Variants in GBF1 observed in about 807,000 individuals in gnomAD.
GBF1 encodes golgi brefeldin A resistant guanine nucleotide exchange factor 1.
Under a neutral mutation model 210.5 loss-of-function variants are expected in GBF1, and 114 were observed. The observed-to-expected ratio is 0.54, with a 90% CI of 0.47 to 0.63. The LOEUF is 0.63. Ranked by LOEUF, GBF1 falls within the 30% of genes least tolerant of loss-of-function variation. The pLI, the probability that GBF1 is intolerant of heterozygous loss-of-function variation, is 0.00. For synonymous variants in GBF1, 850 were observed against 889.2 expected (o/e 0.96, Z 0.78); for missense variants, 1,851 against 2,357.7 (o/e 0.79, Z 4.45).
Position 102,270,462 on chromosome 10 carries a change from T to C in GBF1, c.163+10346T>C, listed in dbSNP as rs543961840. Among the ~76,000 whole-genome samples, 14 of 152,320 alleles carry C rather than the reference T, an allele frequency of 9.2e-5. No individual in the cohort carries two copies. In the South Asian group the frequency reaches 1.0e-3, roughly 11 times the overall value. On this transcript the variant is annotated intron_variant, in intron 3 of 39. Coordinates refer to ENST00000369983, the MANE Select transcript of GBF1 (RefSeq NM_001377137.1). ...TGTGCCCGGACTGCTCTCCAGTTTTTTATGATGAAAAATTTTAAACTTAGC... is the reference window on the plus strand; with the variant it reads ...TGTGCCCGGACTGCTCTCCAGTTTTCTATGATGAAAAATTTTAAACTTAGC...
intron 3 of GBF1, among the ~76,000 whole-genome samples, chr10:102,298,571 G>A (rs1294841685): frequency 1.3e-5 from 2 of 152,228 alleles, no homozygotes; most frequent in East Asian, 1.9e-4. Flanking sequence ...CGTATATTTC[G>A]TAAGCATTTT....
intron 1 of GBF1, among the ~76,000 whole-genome samples, chr10:102,247,028 T>C (rs568375541): frequency 6.6e-6 from 1 of 152,336 alleles, no homozygotes; most frequent in East Asian, 1.9e-4. Flanking sequence ...CAATAAACGT[T>C]ATCTCTATCT....
In GBF1 at chr10:102,360,394, A is replaced by G; in HGVS notation, c.1391A>G (p.Gln464Arg). The stretch of plus-strand genomic sequence containing the variant: ...GATGAGATGTGCCGTCACTTATTCC[A>G]GGTAAGACAAGATTGCTAGAGGGTC... ...IKDEMCRHLF[Q>R]LLSIERLNLY... The change falls in exon 12 of 40, where the codon CAG becomes CGG. Residue 464 changes from glutamine to arginine, a missense_variant and splice_region_variant. Physicochemically the swap from Gln to Arg is conservative, Grantham distance 43 (BLOSUM62 1). This residue lies in a region of GBF1 where 804 missense variants were observed against 958.6 expected (regional missense o/e 0.84). Transcript: ENST00000369983. 1 of 1,597,192 alleles carries G rather than the reference A, an allele frequency of 6.3e-7. No individual in the cohort carries two copies. Among genetic ancestry groups the G allele is most frequent in the Non-Finnish European group, 8.6e-7 (1 of 1,164,852 alleles).
intron 29 of GBF1, among the ~76,000 whole-genome samples, chr10:102,374,634 A>C (rs1003153496): frequency 6.6e-6 from 1 of 152,304 alleles, no homozygotes. Context: ...GGAACTGTTC[A>C]GTATGTTGTT....
rs2059950347 is a variant in GBF1 at position 102,366,982 on chromosome 10, G to C, written c.2434-103G>C. The C allele has an allele frequency of 6.2e-6, 8 of 1,288,746 alleles. No homozygotes were observed. 79.8% of individuals were successfully genotyped at this position (1,288,746 alleles called of 1,614,324 possible). ...TTGGCAAGAGACTGGCCACTTTCTG[G>C]ATGGTACCTCTCCTCTGTACTAGCA... On this transcript the variant is annotated intron_variant, in intron 19 of 39. Transcript: ENST00000369983. This position sits in a 1 kb window ranked among gnomAD's most constrained non-coding sequence, Gnocchi z 4.0.
chr10:102,309,917 A>G (rs2078260198), intron 3 of GBF1, among the ~76,000 whole-genome samples: 1 of 152,148 alleles, frequency 6.6e-6, no homozygotes, highest in African/African-American at 2.4e-5. Flanking sequence ...TGGGTTTCTA[A>G]GTTGTAGAAA....
At chr10:102,380,747 C>T (rs1267856408) in intron 38 of GBF1, 61 bp downstream of exon 38, 3 of 1,370,200 alleles carry the variant, frequency 2.2e-6, no homozygotes, top group Admixed American at 4.1e-5. Flanking sequence ...ATGGCTCACA[C>T]CTCTAATCCC....
At chr10:102,349,619 A>G (rs2058802611) in intron 4 of GBF1, among the ~76,000 whole-genome samples, 1 of 152,154 alleles carries the variant, frequency 6.6e-6, no homozygotes. Context: ...GCATTACACC[A>G]TGCCACCTCT....
At chr10:102,316,042 C>G (rs980820840) in intron 3 of GBF1, among the ~76,000 whole-genome samples, 1 of 150,462 alleles carries the variant, frequency 6.6e-6, no homozygotes, top group Non-Finnish European at 1.5e-5. Flanking sequence ...AGGATGAGGA[C>G]AGTAGTCTCT....
chr10:102,282,643 T>C (rs770278155), intron 3 of GBF1, among the ~76,000 whole-genome samples: 6 of 152,232 alleles, frequency 3.9e-5, no homozygotes, highest in Non-Finnish European at 5.9e-5. Context: ...TGAGTTAGCC[T>C]TGTTCCCTGG....
chr10:102,332,493 C>T (rs542661212), intron 3 of GBF1, among the ~76,000 whole-genome samples: 3 of 151,988 alleles, frequency 2.0e-5, no homozygotes, highest in East Asian at 1.9e-4. Context: ...AAGCGATTCT[C>T]GTGCCTCAGC....
chr10:102,268,320 T>C (rs2074068929), intron 3 of GBF1, among the ~76,000 whole-genome samples: 1 of 152,230 alleles, frequency 6.6e-6, no homozygotes, highest in South Asian at 2.1e-4. Flanking sequence ...GCACATTTTC[T>C]ACTGCATGTA....
intron 3 of GBF1, among the ~76,000 whole-genome samples, chr10:102,306,972 G>T (rs1302382040): frequency 6.6e-6 from 1 of 152,194 alleles, no homozygotes; most frequent in African/African-American, 2.4e-5. Context: ...GGTCTGTAAT[G>T]ACCATGGAAA....
At chr10:102,259,105 G>T in intron 2 of GBF1, 71 bp downstream of exon 2, 1 of 815,036 alleles carries the variant, frequency 1.2e-6, no homozygotes, top group Non-Finnish European at 2.2e-6. Flanking sequence ...GGTTAAAAGA[G>T]TAATCAAATT....
intron 3 of GBF1, among the ~76,000 whole-genome samples, chr10:102,322,918 GTAATAA>G (rs1001415621): frequency 1.3e-5 from 2 of 151,698 alleles, no homozygotes; most frequent in African/African-American, 2.4e-5. Flanking sequence ...CTGTCTCAAA[GTAATAA>G]TAATAATAAG....
chr10:102,381,851 A>G (rs973502262), intron 39 of GBF1, among the ~76,000 whole-genome samples: 5 of 139,846 alleles, frequency 3.6e-5, no homozygotes, highest in Non-Finnish European at 7.8e-5. Flanking sequence ...AAAAAAAAAG[A>G]GTAGCCTGGC....
chr10:102,317,638 A>G (rs2055945278), intron 3 of GBF1, among the ~76,000 whole-genome samples: 1 of 152,152 alleles, frequency 6.6e-6, no homozygotes, highest in Non-Finnish European at 1.5e-5. Context: ...AAAAAAGTTT[A>G]AAGAGATGGA....
At chr10:102,362,196 A>G (rs1451454498) in intron 14 of GBF1, among the ~76,000 whole-genome samples, 1 of 151,222 alleles carries the variant, frequency 6.6e-6, no homozygotes, top group East Asian at 1.9e-4. Flanking sequence ...AGCTGGGACT[A>G]CAGGTGCCCA....
chr10:102,298,229 G>C (rs1019916054), intron 3 of GBF1, among the ~76,000 whole-genome samples: 4 of 152,050 alleles, frequency 2.6e-5, no homozygotes, highest in African/African-American at 9.7e-5. Flanking sequence ...CACCATGCCC[G>C]GCCGAAACTA....
Sources: gnomAD v4.1 joint callset for allele counts (sites outside exome capture counted in the v4.1 genomes callset) on GRCh38, gnomAD v4.1.1 for gene constraint, gnomAD v4.1.1 regional missense constraint, Gnocchi (gnomAD v3.1) non-coding constraint, MANE v1.5 for transcripts, NCBI Gene and HGNC (gene_info 2026-07-23, HGNC 2026-07-21) for gene names.